Variants in MSI2 observed in about 807,000 individuals in gnomAD.
MSI2 encodes musashi RNA binding protein 2.
MSI2 carries 17 observed loss-of-function variants against 45.6 expected under a neutral mutation model. The observed-to-expected ratio is 0.37, with a 90% confidence interval of 0.26 to 0.56. The LOEUF (loss-of-function observed/expected upper bound fraction) is 0.56, where lower values mean the gene tolerates loss of function less well. MSI2 is among the 20% of genes least tolerant of loss of function. The pLI is 0.77. For synonymous variants in MSI2, 156 were observed against 158.2 expected (o/e 0.99, Z 0.11); for missense variants, 293 against 444.2 (o/e 0.66, Z 3.06).
At position 57,386,070 on chromosome 17, in the gene MSI2, T is replaced by A; in HGVS notation, c.313-15309T>A. 1.3e-5 allele frequency among the ~76,000 whole-genome samples: 2 copies of A among 152,230 alleles called. 1 individual carries two copies. The highest frequency in any genetic ancestry group is 3.8e-4 in the East Asian group (2 of 5,196). Reference sequence around the variant, plus strand: ...AGTGGTTTCTGGCCCTTCCCTATTTTACTTGACCTTTTGACTGATTTCTTA... The same window carrying A: ...AGTGGTTTCTGGCCCTTCCCTATTTAACTTGACCTTTTGACTGATTTCTTA... On this transcript the variant is annotated intron_variant, in intron 5 of 13. Transcript: ENST00000284073.
chr17:57,486,180 A>C (rs769566301), intron 6 of MSI2, among the ~76,000 whole-genome samples: 16 of 152,228 alleles, frequency 1.1e-4, no homozygotes, highest in Non-Finnish European at 2.1e-4. Context: ...TGGAGGAGGA[A>C]CATCACAGGG....
At chr17:57,590,192 A>G (rs897164368) in intron 7 of MSI2, among the ~76,000 whole-genome samples, 2 of 151,922 alleles carry the variant, frequency 1.3e-5, no homozygotes, top group Non-Finnish European at 2.9e-5. Context: ...ATTGATTTTC[A>G]CTGAAGATGC....
rs541232171 is a variant in MSI2, at chr17:57,493,007, G to T, written c.406-36669G>T. 3.3e-5 allele frequency among the ~76,000 whole-genome samples: 5 copies of T among 152,294 alleles called. 1 individual carries two copies. Among genetic ancestry groups the T allele is most frequent in the African/African-American group, 1.2e-4 (5 of 41,558 alleles). On this transcript the variant is annotated intron_variant, in intron 6 of 13. Coordinates refer to ENST00000284073, the MANE Select transcript of MSI2 (RefSeq NM_138962.4). ...AACAGAGTGAGCCAGCGTAGGATGGGGTAGGGAAATGAAGCCCACTGTAAA... is the reference window on the plus strand; with the variant it reads ...AACAGAGTGAGCCAGCGTAGGATGGTGTAGGGAAATGAAGCCCACTGTAAA...
chr17:57,528,580 T>G (rs779140123), intron 6 of MSI2, among the ~76,000 whole-genome samples: 5 of 152,164 alleles, frequency 3.3e-5, no homozygotes, highest in Non-Finnish European at 7.4e-5. Flanking sequence ...ACAACAGAAA[T>G]GTATTTTCTC....
At chr17:57,632,763 G>A in intron 10 of MSI2, 1 of 1,065,928 alleles carries the variant, frequency 9.4e-7, no homozygotes, top group Non-Finnish European at 1.1e-6. Context: ...TGCTTTGTCT[G>A]TGCTGGTAGT....
At chr17:57,440,880 G>C (rs1184609926) in intron 6 of MSI2, 1 of 152,136 alleles carries the variant, frequency 6.6e-6, no homozygotes, top group Non-Finnish European at 1.5e-5. Context: ...AGTAGACCTG[G>C]ACTATCTCTT....
intron 11 of MSI2, among the ~76,000 whole-genome samples, chr17:57,657,231 A>T (rs1361893647): frequency 2.0e-5 from 3 of 152,222 alleles, no homozygotes; most frequent in Admixed American, 6.5e-5. Context: ...GAATGTGAGT[A>T]AGGCCAGTCT....
At chr17:57,667,487 A>C (rs1598508706) in intron 11 of MSI2, among the ~76,000 whole-genome samples, 1 of 152,274 alleles carries the variant, frequency 6.6e-6, no homozygotes, top group South Asian at 2.1e-4. Flanking sequence ...TAGTTCACAC[A>C]AGCAGGACAA....
chr17:57,456,610 AAGGAAC>A (rs1477204280), intron 6 of MSI2, among the ~76,000 whole-genome samples: 5 of 152,114 alleles, frequency 3.3e-5, no homozygotes, highest in African/African-American at 1.2e-4. Flanking sequence ...AAAAAAAAAA[AAGGAAC>A]ACCACAACTG....
intron 5 of MSI2, among the ~76,000 whole-genome samples, chr17:57,320,262 A>G (rs745608174): frequency 1.1e-4 from 17 of 152,182 alleles, no homozygotes; most frequent in Non-Finnish European, 2.4e-4. Context: ...CTGGAAATGC[A>G]TCTTTGGGTG....
intron 6 of MSI2, among the ~76,000 whole-genome samples, chr17:57,498,906 G>C (rs372848409): frequency 6.8e-6 from 1 of 147,428 alleles, no homozygotes; most frequent in Non-Finnish European, 1.5e-5. Context: ...TCCTAATGCT[G>C]TCCCTCCCCC....
intron 6 of MSI2, among the ~76,000 whole-genome samples, chr17:57,451,805 C>G (rs1199235866): frequency 6.6e-6 from 1 of 152,182 alleles, no homozygotes; most frequent in African/African-American, 2.4e-5. Flanking sequence ...CCTTGTGAAG[C>G]TGTAGTCTTT....
intron 5 of MSI2, among the ~76,000 whole-genome samples, chr17:57,348,619 T>TC (rs2143828335): frequency 6.6e-6 from 1 of 152,026 alleles, no homozygotes; most frequent in East Asian, 1.9e-4. Context: ...TGGCTCCCCT[T>TC]CCCCCTCCGC....
intron 6 of MSI2, among the ~76,000 whole-genome samples, chr17:57,447,398 C>T (rs1038634229): frequency 1.3e-5 from 2 of 152,334 alleles, no homozygotes; most frequent in East Asian, 1.9e-4. Flanking sequence ...GCCACTGTGC[C>T]CAGCTTAAGT....
rs150451777 is a variant in MSI2 at position 57,583,622 on chromosome 17, G to A, written c.455-13246G>A. On this transcript the variant is annotated intron_variant, in intron 7 of 13. Transcript: ENST00000284073. ...AGCTGAGACCACAGGCACGTGCCACGACGTCAGGCTAATTTATTTTATTTC... is the reference window on the plus strand; with the variant it reads ...AGCTGAGACCACAGGCACGTGCCACAACGTCAGGCTAATTTATTTTATTTC... Among the ~76,000 whole-genome samples the A allele has an allele frequency of 5.4e-4, 82 of 151,586 alleles. 1 individual carries two copies. The highest frequency in any genetic ancestry group is 6.8e-3 in the Middle Eastern group (2 of 292).
chr17:57,561,614 GTGCTAATGAGGAAACA>G (rs1462700517), intron 7 of MSI2, among the ~76,000 whole-genome samples: 1 of 152,188 alleles, frequency 6.6e-6, no homozygotes, highest in Non-Finnish European at 1.5e-5. Flanking sequence ...GTAGGAGGCT[GTGCTAATGAGGAAACA>G]TGGGCCAGAA....
chr17:57,304,295 T>TG lies in MSI2; in HGVS notation c.312+42104dup, dbSNP rs539994837. 2.9e-5 allele frequency among the ~76,000 whole-genome samples: 4 copies of TG among 138,356 alleles called. No individual in the cohort carries two copies. In the South Asian group the frequency reaches 9.6e-4, roughly 33 times the overall value. 90.8% of individuals were successfully genotyped at this position (138,356 alleles called of 152,430 possible). On this transcript the variant is annotated intron_variant, in intron 5 of 13. Transcript: ENST00000284073. ...TCGCTTGAACCCAGGAGGTGGAGGT[T>TG]GCGGTGAGCCGAGATTGCACCACTG...
chr17:57,456,157 C>A (rs1227848577), intron 6 of MSI2, among the ~76,000 whole-genome samples: 1 of 152,230 alleles, frequency 6.6e-6, no homozygotes, highest in African/African-American at 2.4e-5. Flanking sequence ...TCTTTCCGAA[C>A]TTTCCTCTGT....
chr17:57,485,955 C>T (rs277063), intron 6 of MSI2, among the ~76,000 whole-genome samples: 121,824 of 152,144 alleles, frequency 0.8, 49,309 homozygotes, highest in East Asian at 0.89. Context: ...CACACCAATG[C>T]AATAGACCCA....
Sources: allele counts gnomAD v4.1 joint callset (sites outside exome capture counted in the v4.1 genomes callset), GRCh38; gene constraint gnomAD v4.1.1; transcripts MANE v1.5; gene names NCBI Gene and HGNC (gene_info 2026-07-23, HGNC 2026-07-21).